The following ZNF600 variants were observed in gnomAD, a reference collection of about 807,000 sequenced individuals.
The protein encoded by ZNF600 is zinc finger protein KR-ZNF1.
A neutral mutation model predicts 7.3 loss-of-function variants in ZNF600; 4 were observed. The observed-to-expected ratio is 0.55, with a 90% CI of 0.27 to 1.25. The LOEUF is 1.25. ZNF600 is among the 50% of genes most tolerant of loss of function. ZNF600 has a pLI of 0.12. For missense variants in ZNF600, 911 were observed against 922.1 expected (o/e 0.99, Z 0.16); for synonymous variants, 290 against 308.9 (o/e 0.94, Z 0.64).
chr19:52,766,051 G>C, exon 4 of ZNF600: 2 of 1,614,116 alleles, frequency 1.2e-6, no homozygotes, highest in Non-Finnish European at 1.7e-6. Flanking sequence ...TGGTGAACAA[G>C]GGATGGCTTG....
At chr19:52,790,000 T>C (rs1314149375), upstream of ZNF600, among the ~76,000 whole-genome samples, 5 of 152,052 alleles carry the variant, frequency 3.3e-5, no homozygotes, top group Non-Finnish European at 7.4e-5. Flanking sequence ...GGGGGAGCTT[T>C]TTGAGCCAGG....
the ZNF600 span, among the ~76,000 whole-genome samples, chr19:52,807,198 C>T: frequency 6.6e-6 from 1 of 151,968 alleles, no homozygotes; most frequent in Admixed American, 6.6e-5. Flanking sequence ...GACAGCAGGT[C>T]AGAAAGAGAC....
chr19:52,807,210 C>G, the ZNF600 span, among the ~76,000 whole-genome samples: 1 of 149,982 alleles, frequency 6.7e-6, no homozygotes, highest in African/African-American at 2.5e-5. Flanking sequence ...GAAAGAGACT[C>G]CTGCTTATAA....
At position 52,786,656 on chromosome 19, in the gene ZNF600, G is replaced by T. The variant is rs926183749; in HGVS notation, c.-81C>A. 3 of 211,972 alleles carry T rather than the reference G, an allele frequency of 1.4e-5. No individual in the cohort carries two copies. The South Asian group carries it at 1.5e-4, about 10-fold the overall frequency. The allele number at this position is 211,972 out of a possible 1,614,324, so 13.1% of individuals were successfully genotyped here. ...AGGCGAGAATTTCCAGGTCCGTGGGGATCCCACGTCCCAGGGGCAGAAGCG... is the reference window on the plus strand; with the variant it reads ...AGGCGAGAATTTCCAGGTCCGTGGGTATCCCACGTCCCAGGGGCAGAAGCG... On this transcript the variant is annotated 5_prime_UTR_variant, in exon 1 of 4. Coordinates refer to ENST00000648973, the Ensembl canonical transcript of ZNF600.
the ZNF600 span, chr19:52,800,160 C>A: frequency 6.2e-7 from 1 of 1,613,434 alleles, no homozygotes. Context: ...GTGTGATTTG[C>A]GACTGAAAAC....
chr19:52,795,985 G>A, the ZNF600 span, among the ~76,000 whole-genome samples: 1 of 152,122 alleles, frequency 6.6e-6, no homozygotes, highest in Non-Finnish European at 1.5e-5. Context: ...GACCAGCTTG[G>A]GCAACATGGT....
chr19:52,813,421 C>CTGGGTTGAGACAGAGAATCG, the ZNF600 span, among the ~76,000 whole-genome samples: 6 of 148,216 alleles, frequency 4.0e-5, no homozygotes, highest in South Asian at 2.2e-4. Flanking sequence ...GCAAGCTGCT[C>CTGGGTTGAGACAGAGAATCG]CCCGTGTTTC....
chr19:52,816,524 C>G, the ZNF600 span, among the ~76,000 whole-genome samples: 1 of 145,178 alleles, frequency 6.9e-6, no homozygotes, highest in Non-Finnish European at 1.5e-5. Context: ...ATTAGCTAGG[C>G]ATGGTGGCGG....
the ZNF600 span, among the ~76,000 whole-genome samples, chr19:52,825,077 T>C: frequency 6.6e-6 from 1 of 151,996 alleles, no homozygotes; most frequent in East Asian, 1.9e-4. Context: ...GAGAGGGCGC[T>C]TTTACACCTG....
chr19:52,764,729 G>A (rs1366430307), exon 4 of ZNF600: 2 of 153,688 alleles, frequency 1.3e-5, no homozygotes, highest in Admixed American at 1.3e-4. Context: ...GTGTTAGCCA[G>A]GACGGTCTCG....
the ZNF600 span, chr19:52,809,711 C>A: frequency 2.6e-6 from 1 of 389,876 alleles, no homozygotes; most frequent in Non-Finnish European, 4.5e-6. Flanking sequence ...GAGGCTGAGG[C>A]AGCAAAACGC....
the ZNF600 span, chr19:52,801,657 T>G: frequency 2.5e-6 from 4 of 1,612,712 alleles, no homozygotes; most frequent in Non-Finnish European, 3.4e-6. Context: ...TGTATTGCCT[T>G]GCCCTGTTGA....
intron 3 of ZNF600, among the ~76,000 whole-genome samples, chr19:52,768,557 T>C (rs2062607553): frequency 6.6e-6 from 1 of 152,110 alleles, no homozygotes; most frequent in African/African-American, 2.4e-5. Flanking sequence ...ATTTTTGTAT[T>C]TTTATTTTTT....
chr19:52,808,108 G>T, the ZNF600 span: 66 of 1,613,306 alleles, frequency 4.1e-5, no homozygotes, highest in Non-Finnish European at 5.6e-5. Flanking sequence ...GAATTCTATG[G>T]CCACGTCCCT....
chr19:52,812,886 T>C, the ZNF600 span, among the ~76,000 whole-genome samples: 1 of 150,948 alleles, frequency 6.6e-6, no homozygotes. Context: ...GTTTTAAGGC[T>C]ACTTAAAAGG....
chr19:52,831,468 C>A, the ZNF600 span, among the ~76,000 whole-genome samples: 1 of 151,578 alleles, frequency 6.6e-6, no homozygotes, highest in South Asian at 2.1e-4. Context: ...TGCCACCAGG[C>A]CTGGCTAAAA....
the ZNF600 span, chr19:52,800,375 A>C: frequency 1.2e-6 from 2 of 1,614,104 alleles, no homozygotes; most frequent in Non-Finnish European, 8.5e-7. Flanking sequence ...GTTTCTCTCC[A>C]GTATGAATCC....
upstream of ZNF600, among the ~76,000 whole-genome samples, chr19:52,789,570 G>A (rs975192571): frequency 3.3e-5 from 5 of 152,176 alleles, no homozygotes; most frequent in African/African-American, 1.2e-4. Context: ...CCTGGGCAAT[G>A]GAGCGAGACT....
chr19:52,824,472 T>C, the ZNF600 span, among the ~76,000 whole-genome samples: 6 of 152,180 alleles, frequency 3.9e-5, 1 homozygote, highest in East Asian at 7.7e-4. Flanking sequence ...CCATCTCTAC[T>C]AAAGATACAA....
Sources: gnomAD v4.1 joint callset for allele counts (sites outside exome capture counted in the v4.1 genomes callset) on GRCh38, gnomAD v4.1.1 for gene constraint, MANE v1.5 for transcripts, NCBI Gene and HGNC (gene_info 2026-07-23, HGNC 2026-07-21) for gene names.